Variants in KIF16B observed in about 807,000 individuals in gnomAD.
KIF16B encodes the protein kinesin-like protein KIF16B.
In KIF16B, 98 loss-of-function variants were observed where a neutral mutation model predicts 156.3. The ratio of observed to expected loss-of-function variants is 0.63; its 90% CI spans 0.53 to 0.74. The LOEUF is 0.74. KIF16B is among the 30% of genes least tolerant of loss of function. The pLI is 0.00. For missense variants in KIF16B, 1,421 were observed against 1,606.5 expected, an observed-to-expected ratio of 0.88 and a Z score of 1.97; for synonymous variants, 564 against 583.7, an observed-to-expected ratio of 0.97 and a Z score of 0.49.
chr20:16,307,911 A>C (rs1245132195), intron 25 of KIF16B, among the ~76,000 whole-genome samples: 1 of 152,206 alleles, frequency 6.6e-6, no homozygotes, highest in Non-Finnish European at 1.5e-5. Flanking sequence ...ATTTGGATAT[A>C]CATATTTATA....
At position 16,381,684 on chromosome 20, in the gene KIF16B, T is replaced by C; in HGVS notation, c.1838+10A>G. 6.2e-7 allele frequency: 1 copy of C among 1,609,934 alleles called. No individual in the cohort carries two copies. On this transcript the variant is annotated intron_variant, in intron 18 of 25. Transcript: ENST00000354981. ...CAGGAGTGTTGAAACTTGAACCCCA[T>C]GTGACTTACCTTTTACTTTCTAATT...
At chr20:16,543,691 C>T (rs6034525) in intron 1 of KIF16B, among the ~76,000 whole-genome samples, 5,244 of 152,102 alleles carry the variant, frequency 0.034, 134 homozygotes, top group Middle Eastern at 0.078. Flanking sequence ...TTGGATACTC[C>T]GCAGAAAGGA....
intron 16 of KIF16B, among the ~76,000 whole-genome samples, 197 bp downstream of exon 16, chr20:16,406,177 T>G (rs2065778007): frequency 6.6e-6 from 1 of 152,146 alleles, no homozygotes; most frequent in South Asian, 2.1e-4. Context: ...TGCTCTAGAA[T>G]TTACTTGCTT....
chr20:16,445,153 T>C (rs367972589), intron 12 of KIF16B, among the ~76,000 whole-genome samples: 10 of 152,106 alleles, frequency 6.6e-5, no homozygotes, highest in African/African-American at 2.2e-4. Context: ...TGAGCTATGA[T>C]TGCACCACTG....
At chr20:16,499,697 C>G (rs928805048) in intron 10 of KIF16B, among the ~76,000 whole-genome samples, 1 of 152,076 alleles carries the variant, frequency 6.6e-6, no homozygotes, top group Non-Finnish European at 1.5e-5. Context: ...TATTGATAAT[C>G]AAAGCTGAAA....
At chr20:16,439,439 T>A (rs1342033671) in intron 12 of KIF16B, among the ~76,000 whole-genome samples, 1 of 152,064 alleles carries the variant, frequency 6.6e-6, no homozygotes, top group Non-Finnish European at 1.5e-5. Flanking sequence ...TGCCCACCTC[T>A]CCAACCTCAT....
chr20:16,377,838 T>C (rs902418838), intron 19 of KIF16B, among the ~76,000 whole-genome samples: 3 of 152,320 alleles, frequency 2.0e-5, no homozygotes, highest in Middle Eastern at 3.4e-3. Context: ...TGAGAACTTA[T>C]GGTCTGGTAA....
At chr20:16,512,038 T>A (rs1212490413) in intron 5 of KIF16B, among the ~76,000 whole-genome samples, 6 of 152,038 alleles carry the variant, frequency 3.9e-5, no homozygotes, top group African/African-American at 1.4e-4. Flanking sequence ...TCCCAGCTAC[T>A]CAGGAGGCTG....
intron 13 of KIF16B, among the ~76,000 whole-genome samples, chr20:16,429,333 T>C (rs565129485): frequency 6.6e-6 from 1 of 152,308 alleles, no homozygotes; most frequent in Non-Finnish European, 1.5e-5. Flanking sequence ...ATAGTTTATG[T>C]AAGTCTGCAA....
chr20:16,521,050 G>A (rs1250092170), intron 3 of KIF16B, among the ~76,000 whole-genome samples: 1 of 151,416 alleles, frequency 6.6e-6, no homozygotes, highest in Non-Finnish European at 1.5e-5. Flanking sequence ...ATAAATCCAC[G>A]AAGATGAGGA....
At chr20:16,305,215 A>G (rs1209168273) in intron 25 of KIF16B, among the ~76,000 whole-genome samples, 2 of 151,334 alleles carry the variant, frequency 1.3e-5, no homozygotes, top group South Asian at 2.1e-4. Context: ...GTGGACCACA[A>G]ACAATTTCAA....
At chr20:16,377,603 A>G (rs1262508481) in intron 19 of KIF16B, among the ~76,000 whole-genome samples, 2 of 151,866 alleles carry the variant, frequency 1.3e-5, no homozygotes, top group African/African-American at 2.4e-5. Context: ...CTCTTCTTGT[A>G]CAAGTGGTGA....
At chr20:16,408,300 C>T (rs2065836750) in intron 15 of KIF16B, among the ~76,000 whole-genome samples, 1 of 152,128 alleles carries the variant, frequency 6.6e-6, no homozygotes, top group Admixed American at 6.6e-5. Flanking sequence ...CCTAGTGGGG[C>T]AGCAGCAGAT....
intron 22 of KIF16B, among the ~76,000 whole-genome samples, chr20:16,364,963 A>G (rs1203575986): frequency 6.6e-6 from 1 of 152,226 alleles, no homozygotes; most frequent in Non-Finnish European, 1.5e-5. Context: ...CTGTGCGAAT[A>G]AGCACATCTG....
At chr20:16,483,122 G>A (rs749756753) in intron 12 of KIF16B, among the ~76,000 whole-genome samples, 5 of 152,168 alleles carry the variant, frequency 3.3e-5, no homozygotes, top group South Asian at 2.1e-4. Context: ...TGGGTAATGC[G>A]TTAGGGAGAT....
intron 6 of KIF16B, among the ~76,000 whole-genome samples, chr20:16,508,806 C>A (rs905961506): frequency 3.3e-5 from 5 of 152,186 alleles, no homozygotes; most frequent in African/African-American, 1.2e-4. Context: ...ATAGCACATA[C>A]AAGAAAAATG....
chr20:16,335,599 G>C (rs2064021482), intron 24 of KIF16B, among the ~76,000 whole-genome samples: 1 of 152,156 alleles, frequency 6.6e-6, no homozygotes. Flanking sequence ...TCTCATAATT[G>C]AGAAGTTATA....
chr20:16,370,530 A>ACATGAG, intron 22 of KIF16B, 56 bp downstream of exon 22: 1 of 1,381,396 alleles, frequency 7.2e-7, no homozygotes, highest in East Asian at 2.5e-5. Flanking sequence ...AAATGTAATC[A>ACATGAG]CATGAGCATG....
At chr20:16,342,721 G>T (rs145176122) in intron 23 of KIF16B, among the ~76,000 whole-genome samples, 1 of 152,176 alleles carries the variant, frequency 6.6e-6, no homozygotes, top group South Asian at 2.1e-4. Flanking sequence ...GATGAGCAAG[G>T]CTCAAGCTTC....
Sources: gnomAD v4.1 joint callset for allele counts (sites outside exome capture counted in the v4.1 genomes callset) on GRCh38, gnomAD v4.1.1 for gene constraint, MANE v1.5 for transcripts, NCBI Gene and HGNC (gene_info 2026-07-23, HGNC 2026-07-21) for gene names.